POLN: variants seen among roughly 807,000 people sequenced by gnomAD.
The protein encoded by POLN is DNA polymerase nu.
In POLN, 108 loss-of-function variants were observed where a neutral mutation model predicts 113.5. The ratio of observed to expected loss-of-function variants is 0.95; its 90% CI spans 0.81 to 1.12. The LOEUF is 1.12. Ranked by LOEUF, POLN falls within the 50% of genes most tolerant of loss-of-function variation. The pLI is 0.00. For synonymous variants in POLN, 386 were observed against 391.5 expected (o/e 0.99, Z 0.17); for missense variants, 1,097 against 1,077.1 (o/e 1.02, Z -0.26).
chr4:2,118,191 G>A (rs139343197), intron 19 of POLN, among the ~76,000 whole-genome samples: 1 of 152,306 alleles, frequency 6.6e-6, no homozygotes, highest in African/African-American at 2.4e-5. Flanking sequence ...TTTTGCCAGA[G>A]CTATGTTGCC....
At chr4:2,182,121 C>A (rs1056761846) in intron 7 of POLN, among the ~76,000 whole-genome samples, 1 of 151,878 alleles carries the variant, frequency 6.6e-6, no homozygotes, top group African/African-American at 2.4e-5. Context: ...TAGAAATAAA[C>A]CCATACATCA....
At chr4:2,161,698 T>A (rs1732596462) in intron 13 of POLN, among the ~76,000 whole-genome samples, 1 of 152,218 alleles carries the variant, frequency 6.6e-6, no homozygotes, top group African/African-American at 2.4e-5. Context: ...GTAGCCCCTG[T>A]GCGAGATCCG....
intron 19 of POLN, among the ~76,000 whole-genome samples, chr4:2,124,719 C>T (rs959823315): frequency 6.6e-6 from 1 of 152,150 alleles, no homozygotes; most frequent in Non-Finnish European, 1.5e-5. Flanking sequence ...AGGCAGGGCC[C>T]AGGGATGCTG....
chr4:2,221,478 C>T (rs1734251482), intron 3 of POLN, among the ~76,000 whole-genome samples: 1 of 152,218 alleles, frequency 6.6e-6, no homozygotes, highest in Non-Finnish European at 1.5e-5. Context: ...GATTGCTTCC[C>T]CTCCCCACTG....
chr4:2,105,076 C>A (rs1206701286), intron 19 of POLN, among the ~76,000 whole-genome samples: 1 of 152,218 alleles, frequency 6.6e-6, no homozygotes, highest in African/African-American at 2.4e-5. Flanking sequence ...GGCCTCTCCA[C>A]ATGGGTGCAG....
At chr4:2,214,549 C>A (rs550601412) in intron 3 of POLN, among the ~76,000 whole-genome samples, 1 of 152,056 alleles carries the variant, frequency 6.6e-6, no homozygotes, top group South Asian at 2.1e-4. Flanking sequence ...AGAGGCAATA[C>A]ACAAAACAGA....
intron 16 of POLN, among the ~76,000 whole-genome samples, chr4:2,148,348 A>G (rs1475138140): frequency 6.6e-6 from 1 of 152,110 alleles, no homozygotes; most frequent in African/African-American, 2.4e-5. Flanking sequence ...TCCCTGATGG[A>G]GAGGAGAGAA....
In POLN at chr4:2,085,682, T is replaced by G. The variant is rs1294372958; in HGVS notation, c.2128A>C (p.Ser710Arg). 1 of 1,614,044 alleles carries G rather than the reference T, an allele frequency of 6.2e-7. No individual in the cohort carries two copies. Among genetic ancestry groups the G allele is most frequent in the South Asian group, 1.1e-5 (1 of 91,084 alleles). ...PIQEAAQFLE[S>R]FLQKYKKIKD... ...ATTTTCTTGTACTTCTGCAAAAAACTCTCCAAAAACTGGGCAGCTTCCTGA... is the reference window on the plus strand; with the variant it reads ...ATTTTCTTGTACTTCTGCAAAAAACGCTCCAAAAACTGGGCAGCTTCCTGA... Residue 710 changes from serine to arginine, a missense_variant, in exon 21 of 26, where the codon AGT (serine) becomes CGT (arginine). Physicochemically the swap from Ser to Arg is moderately radical, Grantham distance 110 (BLOSUM62 -1). Coordinates refer to ENST00000511885, the MANE Select transcript of POLN (RefSeq NM_181808.4).
At chr4:2,162,113 G>A (rs186100885) in intron 13 of POLN, among the ~76,000 whole-genome samples, 5 of 152,174 alleles carry the variant, frequency 3.3e-5, no homozygotes, top group African/African-American at 7.2e-5. Context: ...AACCCGCTCC[G>A]GTCCCCTTCC....
intron 2 of POLN, chr4:2,231,066 C>G (rs539764036): frequency 6.6e-6 from 1 of 152,300 alleles, no homozygotes; most frequent in East Asian, 1.9e-4. Flanking sequence ...CTTGTAGAAA[C>G]TTTTGAGTCC....
intron 2 of POLN, chr4:2,232,283 T>C: frequency 2.0e-6 from 1 of 504,428 alleles, no homozygotes; most frequent in Non-Finnish European, 3.5e-6. Flanking sequence ...ATTTTAGCAA[T>C]AAATAAACCT....
chr4:2,148,669 C>T (rs1577722897), intron 16 of POLN, among the ~76,000 whole-genome samples: 1 of 45,106 alleles, frequency 2.2e-5, no homozygotes, highest in African/African-American at 5.2e-5. Context: ...TCTGTCCCCC[C>T]CCCAAAAAAA....
intron 13 of POLN, among the ~76,000 whole-genome samples, chr4:2,161,798 C>T (rs1165410677): frequency 6.6e-6 from 1 of 152,200 alleles, no homozygotes; most frequent in Non-Finnish European, 1.5e-5. Context: ...CCAATCGGCA[C>T]TCTGTATCTA....
intron 7 of POLN, 68 bp downstream of exon 7, chr4:2,193,136 T>C (rs879185403): frequency 6.6e-6 from 8 of 1,207,282 alleles, no homozygotes; most frequent in South Asian, 4.0e-5. Flanking sequence ...CCCTCACCAT[T>C]CTCCCATTCA....
At chr4:2,084,104 C>T (rs1730495346) in intron 21 of POLN, among the ~76,000 whole-genome samples, 1 of 152,240 alleles carries the variant, frequency 6.6e-6, no homozygotes, top group Non-Finnish European at 1.5e-5. Context: ...CTGCCATTCT[C>T]TCTCCACCCC....
At chr4:2,136,681 G>A (rs1177549126) in intron 16 of POLN, among the ~76,000 whole-genome samples, 1 of 152,236 alleles carries the variant, frequency 6.6e-6, no homozygotes, top group Non-Finnish European at 1.5e-5. Context: ...TGTGGGTGAA[G>A]GGGTTGCGCC....
intron 16 of POLN, among the ~76,000 whole-genome samples, chr4:2,142,195 T>C (rs1561033601): frequency 6.6e-6 from 1 of 152,248 alleles, no homozygotes; most frequent in African/African-American, 2.4e-5. Flanking sequence ...CTCATGCCGA[T>C]ACTTTTCTTG....
At position 2,149,789 on chromosome 4, in the gene POLN, A is replaced by AAG. The variant is rs1397380786; in HGVS notation, c.1731+6997_1731+6998dup. Among the ~76,000 whole-genome samples, 3 of 151,856 alleles carry AAG rather than the reference A, an allele frequency of 2.0e-5. No homozygotes were observed. In the East Asian group the frequency reaches 5.8e-4, roughly 29 times the overall value. On this transcript the variant is annotated intron_variant, in intron 16 of 25. Transcript: ENST00000511885. ...CAACAGAGTGAGACCTGTGTCTAAA[A>AAG]AGAGAGAGAGAGGGCCGGGCGCGTT...
chr4:2,082,482 G>A (rs1050204569), intron 21 of POLN, among the ~76,000 whole-genome samples: 12 of 152,198 alleles, frequency 7.9e-5, no homozygotes, highest in Non-Finnish European at 1.8e-4. Context: ...TGAGTGGCCT[G>A]AAGTGTATGC....
Sources: gnomAD v4.1 joint callset for allele counts (sites outside exome capture counted in the v4.1 genomes callset) on GRCh38, gnomAD v4.1.1 for gene constraint, MANE v1.5 for transcripts, NCBI Gene and HGNC (gene_info 2026-07-23, HGNC 2026-07-21) for gene names.